ONECUT3: variants seen among roughly 807,000 people sequenced by gnomAD.
The protein encoded by ONECUT3 is one cut homeobox 3, also known as one cut domain family member 3.
In ONECUT3, 11 loss-of-function variants were observed where a neutral mutation model predicts 16.8. The observed-to-expected ratio is 0.66, with a 90% CI of 0.41 to 1.09. The LOEUF is 1.09. ONECUT3 is among the 50% of genes least tolerant of loss of function. The pLI is 0.00. For synonymous variants in ONECUT3, 344 were observed against 310.7 expected (o/e 1.11, Z -1.13); for missense variants, 637 against 629.9 (o/e 1.01, Z -0.12).
In ONECUT3 at chr19:1,759,664, G is replaced by A. The variant is rs1433845887; in HGVS notation, c.1192+4810G>A. Among the ~76,000 whole-genome samples the A allele has an allele frequency of 6.6e-6, 1 of 152,228 alleles. No individual in the cohort carries two copies. Among genetic ancestry groups the A allele is most frequent in the Admixed American group, 6.5e-5 (1 of 15,284 alleles). ...AGAGATAACCAAGGTTGGGGGCTTGGAGACCCGGGCCTTCCCTGGGCTCTG... is the reference window on the plus strand; with the variant it reads ...AGAGATAACCAAGGTTGGGGGCTTGAAGACCCGGGCCTTCCCTGGGCTCTG... On this transcript the variant is annotated intron_variant, in intron 1 of 1. Coordinates refer to ENST00000382349, the MANE Select transcript of ONECUT3 (RefSeq NM_001080488.2). This position sits in a 1 kb window ranked among gnomAD's most constrained non-coding sequence, Gnocchi z 4.1.
At chr19:1,771,723 A>G (rs1425076174) in intron 1 of ONECUT3, among the ~76,000 whole-genome samples, 1 of 152,146 alleles carries the variant, frequency 6.6e-6, no homozygotes, top group East Asian at 1.9e-4. Flanking sequence ...TCTGTCATCC[A>G]GGCTGGAGTG....
chr19:1,756,350 G>A (rs1175503499), intron 1 of ONECUT3, among the ~76,000 whole-genome samples: 4 of 152,202 alleles, frequency 2.6e-5, no homozygotes, highest in African/African-American at 9.6e-5. Context: ...GTGTGGCAGG[G>A]TAACCTTGTG....
rs1395614723 is a variant in ONECUT3 at position 1,755,470 on chromosome 19, G to T, written c.1192+616G>T. On this transcript the variant is annotated intron_variant, in intron 1 of 1. Transcript: ENST00000382349. This position sits in a 1 kb window ranked among gnomAD's most constrained non-coding sequence, Gnocchi z 7.5. ...CCCTCCCTCTCCCCTCCGGCCGCTG[G>T]CAAAGGTCACCCGAGAATGGCGGGG... Among the ~76,000 whole-genome samples the T allele has an allele frequency of 2.0e-5, 3 of 152,010 alleles. No individual in the cohort carries two copies. The highest frequency in any genetic ancestry group is 2.9e-5 in the Non-Finnish European group (2 of 67,928).
rs1433617164 is a variant in ONECUT3 at position 1,758,350 on chromosome 19, G to C, written c.1192+3496G>C. ...GAGAGAGAGAGACAGAGATGGGAGA[G>C]GAACTCTGGGTGCTGGAGGCTGCCT... is the stretch of plus-strand genomic sequence containing the variant. On this transcript the variant is annotated intron_variant, in intron 1 of 1. Coordinates refer to ENST00000382349, the MANE Select transcript of ONECUT3 (RefSeq NM_001080488.2). This position sits in a 1 kb window ranked among gnomAD's most constrained non-coding sequence, Gnocchi z 5.9. Among the ~76,000 whole-genome samples, 2 of 150,026 alleles carry C rather than the reference G, an allele frequency of 1.3e-5. No individual in the cohort carries two copies. The highest frequency in any genetic ancestry group is 2.5e-5 in the African/African-American group (1 of 40,654).
chr19:1,754,146 G>A lies in ONECUT3; in HGVS notation c.484G>A (p.Ala162Thr). Residue 162 changes from alanine (A) to threonine (T), a missense_variant, in exon 1 of 2, where the codon GCC (alanine) becomes ACC (threonine). By Grantham distance (58) the Ala-to-Thr change is moderately conservative. Coordinates refer to ENST00000382349, the MANE Select transcript of ONECUT3 (RefSeq NM_001080488.2). The surrounding 1 kb of genome is among the most constrained non-coding windows in gnomAD (Gnocchi z 7.4). ...PPPPPPQRLAASVSGSFTLMR... is the reference protein window; with the variant it reads ...PPPPPPQRLATSVSGSFTLMR... ...GCCACCCCCGCCGCAGCGTCTGGCG[G>A]CCAGCGTGAGCGGCAGCTTCACCCT... is the stretch of plus-strand genomic sequence containing the variant. The A allele has an allele frequency of 9.3e-7, 1 of 1,077,076 alleles. No individual in the cohort carries two copies. Among genetic ancestry groups the A allele is most frequent in the South Asian group, 3.0e-5 (1 of 33,172 alleles). The allele number at this position is 1,077,076 out of a possible 1,614,324, so 66.7% of individuals were successfully genotyped here. A position where few individuals can be genotyped will look rare whatever the true frequency, so the allele number is the denominator to read the frequency against.
In ONECUT3 at chr19:1,758,777, G is replaced by A. The variant is rs1349081626; in HGVS notation, c.1192+3923G>A. ...TGGGAGAGGGGCTGGGGGAGGGGCG[G>A]GCGGGCTCCTCGGCGGGGGTGGGGG... On this transcript the variant is annotated intron_variant, in intron 1 of 1. Coordinates refer to ENST00000382349, the MANE Select transcript of ONECUT3 (RefSeq NM_001080488.2). This position sits in a 1 kb window ranked among gnomAD's most constrained non-coding sequence, Gnocchi z 5.9. Among the ~76,000 whole-genome samples, 1 of 152,070 alleles carries A rather than the reference G, an allele frequency of 6.6e-6. No individual in the cohort carries two copies. Among genetic ancestry groups the A allele is most frequent in the Non-Finnish European group, 1.5e-5 (1 of 68,004 alleles).
Position 1,764,829 on chromosome 19 carries a change from C to A in ONECUT3, c.1192+9975C>A, listed in dbSNP as rs1600345058. ...GGGGATGCGCAGGGGGGACAAGACACCAGCATGGGGGTGGGGGGCATCAGT... is the reference window on the plus strand; with the variant it reads ...GGGGATGCGCAGGGGGGACAAGACAACAGCATGGGGGTGGGGGGCATCAGT... On this transcript the variant is annotated intron_variant, in intron 1 of 1. Transcript: ENST00000382349. The surrounding 1 kb of genome is among the most constrained non-coding windows in gnomAD (Gnocchi z 5.0). Among the ~76,000 whole-genome samples, 1 of 147,004 alleles carries A rather than the reference C, an allele frequency of 6.8e-6. No individual in the cohort carries two copies. Among genetic ancestry groups the A allele is most frequent in the Admixed American group, 6.7e-5 (1 of 14,942 alleles).
rs2067909646 is a variant in ONECUT3 at position 1,755,043 on chromosome 19, A to T, written c.1192+189A>T. Among the ~76,000 whole-genome samples the T allele has an allele frequency of 6.6e-6, 1 of 151,970 alleles. No individual in the cohort carries two copies. Among genetic ancestry groups the T allele is most frequent in the Non-Finnish European group, 1.5e-5 (1 of 67,980 alleles). On this transcript the variant is annotated intron_variant, in intron 1 of 1. Coordinates refer to ENST00000382349, the MANE Select transcript of ONECUT3 (RefSeq NM_001080488.2). The surrounding 1 kb of genome is among the most constrained non-coding windows in gnomAD (Gnocchi z 7.5). ...GCTGCCCGTTTGTACCGTTGCCAAA[A>T]GGGAGAAAGGGATTGTGCCGCCTCC... is the stretch of plus-strand genomic sequence containing the variant.
chr19:1,754,241 C>A lies in ONECUT3; in HGVS notation c.579C>A (p.Pro193=). The change falls in exon 1 of 2, where the codon CCC becomes CCA. Residue 193 remains proline, a synonymous_variant. Coordinates refer to ENST00000382349, the MANE Select transcript of ONECUT3 (RefSeq NM_001080488.2). The surrounding 1 kb of genome is among the most constrained non-coding windows in gnomAD (Gnocchi z 7.4). ...HLYGPYGKEL[P]AMGSPLSPLP... The stretch of plus-strand genomic sequence containing the variant: ...ACGGACCCTACGGCAAGGAGCTGCC[C>A]GCCATGGGGTCGCCGCTGTCGCCGC... 1.8e-6 allele frequency: 2 copies of A among 1,083,586 alleles called. No individual in the cohort carries two copies. The highest frequency in any genetic ancestry group is 2.2e-6 in the Non-Finnish European group (2 of 894,272). 67.1% of individuals were successfully genotyped at this position (1,083,586 alleles called of 1,614,324 possible).
intron 1 of ONECUT3, among the ~76,000 whole-genome samples, chr19:1,767,425 G>T (rs910899804): frequency 1.3e-5 from 2 of 151,706 alleles, no homozygotes; most frequent in South Asian, 4.2e-4. Flanking sequence ...CCCCGGGGTG[G>T]TTGGCTGTCC....
rs1307352971 is a variant in ONECUT3, at chr19:1,766,818, C to A, written c.1193-8335C>A. On this transcript the variant is annotated intron_variant, in intron 1 of 1. Transcript: ENST00000382349. The surrounding 1 kb of genome is among the most constrained non-coding windows in gnomAD (Gnocchi z 4.0). ...GCAGGCTGGGCTGAGACCCCCCCCC[C>A]ATGCTCCACCACCCTCGTGTAGGAC... Among the ~76,000 whole-genome samples, 1 of 151,408 alleles carries A rather than the reference C, an allele frequency of 6.6e-6. No homozygotes were observed. Among genetic ancestry groups the A allele is most frequent in the Non-Finnish European group, 1.5e-5 (1 of 67,910 alleles).
At chr19:1,769,888 A>C (rs2068038144) in intron 1 of ONECUT3, among the ~76,000 whole-genome samples, 1 of 152,072 alleles carries the variant, frequency 6.6e-6, no homozygotes, top group Non-Finnish European at 1.5e-5. Flanking sequence ...CCCCTCCCCC[A>C]GCCTCTGCCT....
chr19:1,771,988 ATTATTTATTTATTTATTTATTTAT>A (rs61311263), intron 1 of ONECUT3, among the ~76,000 whole-genome samples: 9 of 141,322 alleles, frequency 6.4e-5, no homozygotes, highest in Non-Finnish European at 1.2e-4. Context: ...CTATTTAGTT[ATTATTTATTTATTTATTTATTTAT>A]TTATTTATTT....
intron 1 of ONECUT3, among the ~76,000 whole-genome samples, chr19:1,756,712 T>C (rs1252477913): frequency 6.8e-6 from 1 of 146,580 alleles, no homozygotes; most frequent in Non-Finnish European, 1.5e-5. Context: ...TTTTTTTTTT[T>C]TTTTTTTGTA....
chr19:1,757,244 C>T (rs561318800), intron 1 of ONECUT3, among the ~76,000 whole-genome samples: 7 of 152,374 alleles, frequency 4.6e-5, no homozygotes, highest in South Asian at 2.1e-4. Flanking sequence ...GTGTTCGCTC[C>T]TGCCGACCCC....
chr19:1,765,227 G>A (rs1479129603), intron 1 of ONECUT3, among the ~76,000 whole-genome samples: 1 of 152,156 alleles, frequency 6.6e-6, no homozygotes, highest in African/African-American at 2.4e-5. Flanking sequence ...CCCCCCAGGA[G>A]CCTCCACATC....
rs2067906682 is a variant in ONECUT3 at position 1,754,562 on chromosome 19, G to T, written c.900G>T (p.Gly300=). The change falls in exon 1 of 2, where the codon GGG becomes GGT. Residue 300 remains glycine, a synonymous_variant. Coordinates refer to ENST00000382349, the MANE Select transcript of ONECUT3 (RefSeq NM_001080488.2). This position sits in a 1 kb window ranked among gnomAD's most constrained non-coding sequence, Gnocchi z 7.4. ...CGGCCGGGGCGCACGGGCCGCACGG[G>T]GGAGGCGGCGGCCCCGGCGGGAGCG... ...LAAAGAHGPH[G]GGGGPGGSGG... 2.9e-5 allele frequency: 31 copies of T among 1,077,964 alleles called. No individual in the cohort carries two copies. Among genetic ancestry groups the T allele is most frequent in the Non-Finnish European group, 3.5e-5 (31 of 889,344 alleles). The allele number at this position is 1,077,964 out of a possible 1,614,324, so 66.8% of individuals were successfully genotyped here. A position where few individuals can be genotyped will look rare whatever the true frequency, so the allele number is the denominator to read the frequency against.
intron 1 of ONECUT3, among the ~76,000 whole-genome samples, chr19:1,760,658 T>TGG (rs374600269): frequency 6.9e-6 from 1 of 145,282 alleles, no homozygotes; most frequent in Non-Finnish European, 1.5e-5. Flanking sequence ...GGATGGGCGG[T>TGG]GGGGGGGGGC....
intron 1 of ONECUT3, among the ~76,000 whole-genome samples, chr19:1,772,064 G>T (rs1600358072): frequency 6.6e-6 from 1 of 151,730 alleles, no homozygotes; most frequent in South Asian, 2.1e-4. Context: ...GCCCAGGCTG[G>T]AGTGAGTGGT....
Sources: allele counts gnomAD v4.1 joint callset (sites outside exome capture counted in the v4.1 genomes callset), GRCh38; gene constraint gnomAD v4.1.1; non-coding constraint Gnocchi (gnomAD v3.1); transcripts MANE v1.5; gene names NCBI Gene and HGNC (gene_info 2026-07-23, HGNC 2026-07-21).